MALRD1: variants seen among roughly 807,000 people sequenced by gnomAD.
MALRD1 encodes the protein MAM and LDL-receptor class A domain-containing protein 1.
MALRD1 carries 247 observed loss-of-function variants against 242.1 expected under a neutral mutation model. The ratio of observed to expected loss-of-function variants is 1.02; its 90% CI spans 0.92 to 1.13. The LOEUF (loss-of-function observed/expected upper bound fraction) is 1.13, where lower values mean the gene tolerates loss of function less well. Ranked by LOEUF, MALRD1 falls within the 50% of genes most tolerant of loss-of-function variation. The pLI, the probability that MALRD1 is intolerant of heterozygous loss-of-function variation, is 0.00. For missense variants in MALRD1, 2,989 were observed against 2,533.1 expected (o/e 1.18, Z -3.86); for synonymous variants, 995 against 866.6 (o/e 1.15, Z -2.60).
chr10:19,055,916 A>T (rs770588075), intron 1 of MALRD1, among the ~76,000 whole-genome samples: 7 of 152,218 alleles, frequency 4.6e-5, no homozygotes, highest in Non-Finnish European at 1.0e-4. Flanking sequence ...CCTGGGTAGC[A>T]AAATAATCTA....
intron 26 of MALRD1, among the ~76,000 whole-genome samples, chr10:19,366,068 G>T (rs765495418): frequency 1.3e-5 from 2 of 151,628 alleles, no homozygotes; most frequent in East Asian, 1.9e-4. Flanking sequence ...CTGGGGAGTA[G>T]GGGGAAGGGG....
At chr10:19,464,478 A>C (rs769341123) in intron 29 of MALRD1, among the ~76,000 whole-genome samples, 2 of 152,010 alleles carry the variant, frequency 1.3e-5, no homozygotes, top group African/African-American at 4.8e-5. Flanking sequence ...TCCTTTCTCT[A>C]ATTTATGTTT....
At chr10:19,161,550 C>CAAAAAAAAAAAA in intron 12 of MALRD1, among the ~76,000 whole-genome samples, 10 of 60,836 alleles carry the variant, frequency 1.6e-4, no homozygotes, top group African/African-American at 3.4e-4. Context: ...AAAAAAAAAG[C>CAAAAAAAAAAAA]AAAAAAAAAA....
chr10:19,110,166 T>C (rs1337989533), intron 5 of MALRD1, among the ~76,000 whole-genome samples: 1 of 152,158 alleles, frequency 6.6e-6, no homozygotes. Flanking sequence ...GTTTTAGTCC[T>C]TTTTCATGGA....
In MALRD1 at chr10:19,450,444, A is replaced by C. The variant is rs779346215; in HGVS notation, c.4983A>C (p.Gly1661=). 14 of 1,550,508 alleles carry C rather than the reference A, an allele frequency of 9.0e-6. No individual in the cohort carries two copies. The highest frequency in any genetic ancestry group is 1.2e-5 in the Non-Finnish European group (14 of 1,146,930). Residue 1661 remains glycine (G), a synonymous_variant, in exon 29 of 40, where the codon GGA becomes GGC. Coordinates refer to ENST00000454679, the MANE Select transcript of MALRD1 (RefSeq NM_001142308.3). ...AAGGTATCAGAACAAGGGACCTGGGAGGAGGAGCTGCAATTGATGATATTG... is the reference window on the plus strand; with the variant it reads ...AAGGTATCAGAACAAGGGACCTGGGCGGAGGAGCTGCAATTGATGATATTG... ...IFQGIRTRDL[G]GGAAIDDIEF... is the part of the protein sequence containing the mutation.
At chr10:19,331,075 G>C (rs1235819352) in intron 23 of MALRD1, among the ~76,000 whole-genome samples, 1 of 152,064 alleles carries the variant, frequency 6.6e-6, no homozygotes, top group Non-Finnish European at 1.5e-5. Flanking sequence ...GCTGGCAAAG[G>C]CAGTAGTGGA....
intron 1 of MALRD1, among the ~76,000 whole-genome samples, chr10:19,056,475 A>T (rs964119994): frequency 6.6e-6 from 1 of 151,650 alleles, no homozygotes; most frequent in East Asian, 1.9e-4. Context: ...AGTTTTCTAA[A>T]TTTTTTTGGA....
rs146012814 is a variant in MALRD1, at chr10:19,122,230, C to T, written c.695-1262C>T. ...AGGATCCTGGGCTTGTAGAACCTGG[C>T]GCAGCTGAAATATTGTTAGAGTAGA... On this transcript the variant is annotated intron_variant, in intron 5 of 39. Transcript: ENST00000454679. 5.5e-4 allele frequency among the ~76,000 whole-genome samples: 83 copies of T among 152,078 alleles called. No individual in the cohort carries two copies. The East Asian group carries it at 8.9e-3, about 16-fold the overall frequency.
intron 33 of MALRD1, among the ~76,000 whole-genome samples, chr10:19,585,237 T>C (rs1480568570): frequency 1.3e-5 from 2 of 152,248 alleles, no homozygotes; most frequent in Non-Finnish European, 2.9e-5. Flanking sequence ...TTAAAGTTAA[T>C]ATTGTTATGT....
chr10:19,531,410 T>C (rs1834411446), intron 32 of MALRD1, 59 bp downstream of exon 32: 1 of 1,383,308 alleles, frequency 7.2e-7, no homozygotes, highest in East Asian at 2.6e-5. Flanking sequence ...GTTTAAACAT[T>C]GTCTTCCCTT....
chr10:19,322,037 T>C (rs1458507276), intron 21 of MALRD1, among the ~76,000 whole-genome samples: 1 of 152,172 alleles, frequency 6.6e-6, no homozygotes, highest in Non-Finnish European at 1.5e-5. Context: ...CTATATCTCA[T>C]AAGTAGAACT....
intron 36 of MALRD1, among the ~76,000 whole-genome samples, chr10:19,657,956 T>A (rs1053247327): frequency 4.6e-5 from 7 of 152,076 alleles, no homozygotes; most frequent in Admixed American, 1.3e-4. Flanking sequence ...GAGACCAGCC[T>A]GACCAACATG....
intron 21 of MALRD1, among the ~76,000 whole-genome samples, chr10:19,319,903 T>A (rs199770633): frequency 3.3e-4 from 48 of 147,306 alleles, no homozygotes; most frequent in East Asian, 2.0e-3. Context: ...TCTTTTTTTT[T>A]AAACTTAAAG....
intron 9 of MALRD1, among the ~76,000 whole-genome samples, chr10:19,134,557 G>A (rs1029194752): frequency 1.3e-5 from 2 of 152,182 alleles, no homozygotes; most frequent in African/African-American, 4.8e-5. Context: ...TTATGCTGGA[G>A]TGTGAGTATA....
intron 21 of MALRD1, among the ~76,000 whole-genome samples, chr10:19,319,057 A>G (rs1049835379): frequency 2.0e-5 from 3 of 152,032 alleles, no homozygotes; most frequent in Non-Finnish European, 4.4e-5. Flanking sequence ...AATAAATGTT[A>G]TATTCATTTA....
intron 18 of MALRD1, among the ~76,000 whole-genome samples, chr10:19,230,623 G>A (rs1294633494): frequency 6.6e-6 from 1 of 152,176 alleles, no homozygotes; most frequent in Non-Finnish European, 1.5e-5. Context: ...GAGATTTGAA[G>A]GGGACAAACA....
At chr10:19,079,541 T>A (rs1835418496) in intron 2 of MALRD1, among the ~76,000 whole-genome samples, 2 of 151,964 alleles carry the variant, frequency 1.3e-5, no homozygotes, top group African/African-American at 4.8e-5. Context: ...CTTGCTGATC[T>A]TCTATCAAAT....
chr10:19,389,704 G>C, intron 28 of MALRD1, 95 bp downstream of exon 28: 1 of 1,331,208 alleles, frequency 7.5e-7, no homozygotes, highest in Non-Finnish European at 1.0e-6. Context: ...CAGTGGTGCA[G>C]TCATGGCTTA....
chr10:19,452,348 A>G (rs1411948341), intron 29 of MALRD1, among the ~76,000 whole-genome samples: 1 of 152,102 alleles, frequency 6.6e-6, no homozygotes, highest in Non-Finnish European at 1.5e-5. Flanking sequence ...ATTACAATTA[A>G]TTTTGTTCAA....
Sources: gnomAD v4.1 joint callset for allele counts (sites outside exome capture counted in the v4.1 genomes callset) on GRCh38, gnomAD v4.1.1 for gene constraint, MANE v1.5 for transcripts, NCBI Gene and HGNC (gene_info 2026-07-23, HGNC 2026-07-21) for gene names.